The following ZNF680 variants were observed in gnomAD, a reference collection of about 807,000 sequenced individuals.
ZNF680 encodes zinc finger protein 680.
A neutral mutation model predicts 12.1 loss-of-function variants in ZNF680; 6 were observed. The observed-to-expected ratio is 0.49, with a 90% CI of 0.27 to 0.98. The LOEUF (loss-of-function observed/expected upper bound fraction) is 0.98, where lower values mean the gene tolerates loss of function less well. Among genes scored for constraint, ZNF680 ranks in the 50% least tolerant of loss-of-function variants. The probability of loss-of-function intolerance (pLI) is 0.12; values close to 1 mark genes in which losing one functional copy is unlikely to be tolerated. For synonymous variants in ZNF680, 170 were observed against 199.3 expected (o/e 0.85, Z 1.24); for missense variants, 561 against 616.3 (o/e 0.91, Z 0.95).
downstream of ZNF680, among the ~76,000 whole-genome samples, chr7:64,516,738 A>C (rs991545364): frequency 6.6e-6 from 1 of 152,198 alleles, no homozygotes; most frequent in Non-Finnish European, 1.5e-5. Flanking sequence ...AGTCTCAATA[A>C]ATTTAAGAAA....
chr7:64,543,002 G>A (rs537753980), intron 3 of ZNF680, among the ~76,000 whole-genome samples: 112 of 151,054 alleles, frequency 7.4e-4, no homozygotes, highest in Non-Finnish European at 7.4e-5. Flanking sequence ...CCTGGCCAAC[G>A]CAAATAAATT....
the ZNF680 span, among the ~76,000 whole-genome samples, chr7:64,501,997 CTTTTTTT>C: frequency 5.8e-4 from 61 of 104,516 alleles, no homozygotes; most frequent in East Asian, 2.2e-3. Flanking sequence ...GGACGTATTT[CTTTTTTT>C]TTTTTTTTTT....
intron 3 of ZNF680, chr7:64,524,757 T>A (rs1402183424): frequency 1.3e-5 from 2 of 152,156 alleles, no homozygotes; most frequent in Non-Finnish European, 2.9e-5. Flanking sequence ...AAATTCTCCT[T>A]GATAGAAAAC....
intron 3 of ZNF680, among the ~76,000 whole-genome samples, chr7:64,535,137 T>C (rs1194401312): frequency 1.3e-5 from 2 of 151,912 alleles, no homozygotes; most frequent in Non-Finnish European, 1.5e-5. Context: ...AAACACCCTA[T>C]AGAAAAATAA....
chr7:64,531,247 T>TA (rs1466454134), intron 3 of ZNF680, among the ~76,000 whole-genome samples: 1 of 152,040 alleles, frequency 6.6e-6, no homozygotes, highest in Non-Finnish European at 1.5e-5. Context: ...CAAGCCTCAA[T>TA]AAGTTAAAGA....
At chr7:64,502,456 G>T in the ZNF680 span, among the ~76,000 whole-genome samples, 34,300 of 152,092 alleles carry the variant, frequency 0.23, 4,062 homozygotes, top group South Asian at 0.28. Flanking sequence ...AGCTGAGTTA[G>T]AAGTATGTGT....
the ZNF680 span, among the ~76,000 whole-genome samples, chr7:64,506,507 G>C: frequency 5.3e-5 from 8 of 151,980 alleles, no homozygotes; most frequent in South Asian, 8.3e-4. Context: ...AGTTTCTTTT[G>C]TTATCTAAGT....
At chr7:64,501,433 C>A in the ZNF680 span, 3 of 1,025,590 alleles carry the variant, frequency 2.9e-6, no homozygotes, top group Non-Finnish European at 3.1e-6. Flanking sequence ...CCAGATAAAA[C>A]AAAAGGTGGA....
At chr7:64,546,674 C>T (rs2116503160) in intron 1 of ZNF680, among the ~76,000 whole-genome samples, 1 of 152,276 alleles carries the variant, frequency 6.6e-6, no homozygotes, top group East Asian at 1.9e-4. Flanking sequence ...ACCTGGAAGG[C>T]AGAGGTTGCA....
intron 1 of ZNF680, chr7:64,551,837 A>C (rs1288863989): frequency 1.3e-5 from 2 of 152,314 alleles, no homozygotes; most frequent in Non-Finnish European, 2.9e-5. Flanking sequence ...CTCAGATTAC[A>C]TGTAAGATTG....
Position 64,522,502 on chromosome 7 carries a change from T to TCTAATCATCCCAAACTCCTCCCAGCCACA in ZNF680, c.254-3_254-2insTGTGGCTGGGAGGAGTTTGGGATGATTAG. 1 of 1,455,180 alleles carries TCTAATCATCCCAAACTCCTCCCAGCCACA rather than the reference T, an allele frequency of 6.9e-7. No homozygotes were observed. Among genetic ancestry groups the TCTAATCATCCCAAACTCCTCCCAGCCACA allele is most frequent in the Admixed American group, 2.4e-5 (1 of 42,282 alleles). 90.1% of individuals were successfully genotyped at this position (1,455,180 alleles called of 1,614,324 possible). On this transcript the variant is annotated splice_region_variant and splice_polypyrimidine_tract_variant and intron_variant, in intron 3 of 3. Transcript: ENST00000309683. ...CTTCAGTGAAATGAGAATATATAACTGAAAGACATAAAAGTAACAAATTAC... is the reference window on the plus strand; with the variant it reads ...CTTCAGTGAAATGAGAATATATAACTCTAATCATCCCAAACTCCTCCCAGCCACAGAAAGACATAAAAGTAACAAATTAC...
At chr7:64,516,853 G>A (rs1177947863), downstream of ZNF680, among the ~76,000 whole-genome samples, 2 of 152,074 alleles carry the variant, frequency 1.3e-5, no homozygotes, top group Non-Finnish European at 2.9e-5. Context: ...TAAATAAACT[G>A]CTTCTGAATG....
chr7:64,532,286 CAG>C (rs1022334989), intron 3 of ZNF680, among the ~76,000 whole-genome samples: 39 of 148,944 alleles, frequency 2.6e-4, no homozygotes, highest in Admixed American at 1.1e-3. Context: ...GCCTGGGCAA[CAG>C]AGAGAGACTC....
At chr7:64,527,124 G>A (rs1791900682) in intron 3 of ZNF680, among the ~76,000 whole-genome samples, 1 of 152,142 alleles carries the variant, frequency 6.6e-6, no homozygotes, top group South Asian at 2.1e-4. Context: ...GGTAATTCCA[G>A]CTACTCAGGA....
At chr7:64,536,248 TATTG>T (rs555616666) in intron 3 of ZNF680, among the ~76,000 whole-genome samples, 241 of 152,284 alleles carry the variant, frequency 1.6e-3, no homozygotes, top group Non-Finnish European at 2.8e-3. Flanking sequence ...TTATAGACTG[TATTG>T]ATTATTTTGC....
chr7:64,544,306 C>G lies in ZNF680; in HGVS notation c.157G>C (p.Gly53Arg). The change falls in exon 2 of 4, where the codon GGT becomes CGT. Residue 53 changes from glycine to arginine, a missense_variant and splice_region_variant. Physicochemically the swap from Gly to Arg is moderately radical, Grantham distance 125. Coordinates refer to ENST00000309683, the MANE Select transcript of ZNF680 (RefSeq NM_178558.5). ...FENYRNLVFL[G>R]IAVSKPHLIT... ...AATTGTGTGTTGAAGTTATCCTCAC[C>G]CAGGAAGACCAGGTTTCTGTAGTTC... 6.2e-7 allele frequency: 1 copy of G among 1,601,192 alleles called. No homozygotes were observed. Among genetic ancestry groups the G allele is most frequent in the East Asian group, 2.2e-5 (1 of 44,514 alleles).
the ZNF680 span, chr7:64,501,040 A>T: frequency 1.4e-6 from 1 of 726,782 alleles, no homozygotes; most frequent in Non-Finnish European, 2.5e-6. Flanking sequence ...AGAGAAGGGC[A>T]GAATAATTGC....
chr7:64,547,525 T>C (rs1786848518), intron 1 of ZNF680, among the ~76,000 whole-genome samples: 1 of 152,238 alleles, frequency 6.6e-6, no homozygotes, highest in South Asian at 2.1e-4. Context: ...AAATACATTA[T>C]TTGATTTAAT....
the ZNF680 span, among the ~76,000 whole-genome samples, chr7:64,508,142 T>TATATATATATATATACACACAC: frequency 2.2e-4 from 25 of 112,212 alleles, no homozygotes; most frequent in African/African-American, 7.7e-4. Flanking sequence ...TATATATATA[T>TATATATATATATATACACACAC]ACATAATTTT....
Sources: gnomAD v4.1 joint callset for allele counts (sites outside exome capture counted in the v4.1 genomes callset) on GRCh38, gnomAD v4.1.1 for gene constraint, MANE v1.5 for transcripts, NCBI Gene and HGNC (gene_info 2026-07-23, HGNC 2026-07-21) for gene names.